DRC8: variants seen among roughly 807,000 people sequenced by gnomAD.
The protein encoded by DRC8 is dynein regulatory complex subunit 8.
At chr1:245,092,364 C>G in the DRC8 span, among the ~76,000 whole-genome samples, 1 of 152,220 alleles carries the variant, frequency 6.6e-6, no homozygotes, top group East Asian at 1.9e-4. Context: ...TCCTAGTTTC[C>G]TGTCTTCCTT....
the DRC8 span, among the ~76,000 whole-genome samples, chr1:245,048,107 G>A: frequency 6.6e-6 from 1 of 152,082 alleles, no homozygotes; most frequent in African/African-American, 2.4e-5. Flanking sequence ...AAGAGGGGTT[G>A]GTCTTGTTTC....
chr1:245,063,731 CT>C, the DRC8 span, among the ~76,000 whole-genome samples: 1 of 151,956 alleles, frequency 6.6e-6, no homozygotes, highest in Non-Finnish European at 1.5e-5. Flanking sequence ...GATCTCAACT[CT>C]TTTTTTTGAG....
chr1:245,057,011 A>T, the DRC8 span, among the ~76,000 whole-genome samples: 4 of 152,252 alleles, frequency 2.6e-5, no homozygotes, highest in South Asian at 8.3e-4. Context: ...ACCATCTGAG[A>T]ATCAGCTCAC....
chr1:245,037,649 C>T, the DRC8 span, among the ~76,000 whole-genome samples: 1 of 151,758 alleles, frequency 6.6e-6, no homozygotes, highest in Non-Finnish European at 1.5e-5. Context: ...ATAACAGACA[C>T]GTAAGTATTT....
chr1:245,088,010 C>A, the DRC8 span, among the ~76,000 whole-genome samples: 5 of 152,144 alleles, frequency 3.3e-5, no homozygotes, highest in African/African-American at 1.2e-4. This position sits in a 1 kb window ranked among gnomAD's most constrained non-coding sequence, Gnocchi z 4.6. Flanking sequence ...AAGGTAGTGG[C>A]AATTCTCCCT....
chr1:245,022,727 G>GTGTGTGTGCA, the DRC8 span, among the ~76,000 whole-genome samples: 1 of 152,110 alleles, frequency 6.6e-6, no homozygotes, highest in African/African-American at 2.4e-5. Context: ...GTGCGTGTGT[G>GTGTGTGTGCA]TGTGTGTGCA....
At chr1:245,040,013 T>C in the DRC8 span, among the ~76,000 whole-genome samples, 3 of 152,356 alleles carry the variant, frequency 2.0e-5, no homozygotes, top group South Asian at 6.2e-4. Flanking sequence ...GAGGAGATAC[T>C]TTAAGACTGT....
chr1:244,991,569 G>T, the DRC8 span, among the ~76,000 whole-genome samples: 1 of 152,106 alleles, frequency 6.6e-6, no homozygotes, highest in Admixed American at 6.6e-5. Context: ...ATTGTAACTT[G>T]TTTACTATGG....
the DRC8 span, among the ~76,000 whole-genome samples, chr1:245,030,445 G>C: frequency 6.6e-6 from 1 of 152,316 alleles, no homozygotes; most frequent in Non-Finnish European, 1.5e-5. Flanking sequence ...CAAATACTAT[G>C]CCATTTAATA....
the DRC8 span, among the ~76,000 whole-genome samples, chr1:245,084,067 C>CCT: frequency 1.7e-5 from 2 of 118,124 alleles, no homozygotes; most frequent in Admixed American, 8.4e-5. Context: ...ATTCCGCCCC[C>CCT]CCCCCGGCGC....
chr1:244,979,330 A>C, the DRC8 span, among the ~76,000 whole-genome samples: 1 of 96,158 alleles, frequency 1.0e-5, no homozygotes, highest in African/African-American at 4.3e-5. Flanking sequence ...TTTGAGACGT[A>C]GTCTTGCTCT....
At chr1:245,021,204 T>C in the DRC8 span, among the ~76,000 whole-genome samples, 183 of 152,252 alleles carry the variant, frequency 1.2e-3, 1 homozygote, top group African/African-American at 4.2e-3. Flanking sequence ...AAATGTAAGC[T>C]TTAATTTCTA....
the DRC8 span, among the ~76,000 whole-genome samples, chr1:244,988,679 A>G: frequency 6.6e-6 from 1 of 152,160 alleles, no homozygotes; most frequent in Non-Finnish European, 1.5e-5. Flanking sequence ...CTTTCCATAT[A>G]TGCTTCCTGT....
chr1:245,037,850 C>T, the DRC8 span, among the ~76,000 whole-genome samples: 1 of 151,630 alleles, frequency 6.6e-6, no homozygotes, highest in Non-Finnish European at 1.5e-5. Context: ...CAAACAATGC[C>T]CAGTTGGATG....
the DRC8 span, among the ~76,000 whole-genome samples, chr1:245,005,015 G>A: frequency 9.9e-5 from 15 of 152,222 alleles, no homozygotes; most frequent in East Asian, 2.9e-3. Context: ...TCAAATACTT[G>A]TTCTGTGTCT....
the DRC8 span, among the ~76,000 whole-genome samples, chr1:244,998,488 G>A: frequency 6.6e-6 from 1 of 152,208 alleles, no homozygotes; most frequent in Non-Finnish European, 1.5e-5. Flanking sequence ...TGGGATTCCA[G>A]GCGTGAGCCA....
At chr1:245,105,622 C>CAAA in the DRC8 span, among the ~76,000 whole-genome samples, 11 of 114,272 alleles carry the variant, frequency 9.6e-5, no homozygotes, top group Admixed American at 3.0e-4. Flanking sequence ...GACCCCATCT[C>CAAA]AAAAAAAAAA....
the DRC8 span, among the ~76,000 whole-genome samples, chr1:245,072,415 T>G: frequency 6.6e-6 from 1 of 152,136 alleles, no homozygotes; most frequent in African/African-American, 2.4e-5. Context: ...TTTTAAAAAT[T>G]TTTGTAGAGA....
chr1:245,024,510 G>C, the DRC8 span, among the ~76,000 whole-genome samples: 1 of 151,252 alleles, frequency 6.6e-6, no homozygotes, highest in Admixed American at 6.6e-5. Context: ...GTGAAAAATA[G>C]AAACTCAGTG....
Sources: allele counts gnomAD v4.1 joint callset (sites outside exome capture counted in the v4.1 genomes callset), GRCh38; gene constraint gnomAD v4.1.1; non-coding constraint Gnocchi (gnomAD v3.1); transcripts MANE v1.5; gene names NCBI Gene and HGNC (gene_info 2026-07-23, HGNC 2026-07-21).